Variants in CNTNAP2 observed in about 807,000 individuals in gnomAD.
CNTNAP2 encodes the protein contactin-associated protein-like 2.
Under a neutral mutation model 155.2 loss-of-function variants are expected in CNTNAP2, and 98 were observed. The ratio of observed to expected loss-of-function variants is 0.63; its 90% CI spans 0.54 to 0.75. The LOEUF (loss-of-function observed/expected upper bound fraction) is 0.75, where lower values mean the gene tolerates loss of function less well. CNTNAP2 is among the 30% of genes least tolerant of loss of function. CNTNAP2 has a pLI of 0.00. For missense variants in CNTNAP2, 1,727 were observed against 1,688.1 expected, an observed-to-expected ratio of 1.02 and a Z score of -0.40; for synonymous variants, 651 against 631.2, an observed-to-expected ratio of 1.03 and a Z score of -0.47.
chr7:146,683,489 G>A (rs556307356), intron 1 of CNTNAP2, among the ~76,000 whole-genome samples: 15 of 152,300 alleles, frequency 9.8e-5, no homozygotes, highest in African/African-American at 3.4e-4. Context: ...CAGAAGACCA[G>A]ATGAACTCAA....
At chr7:147,998,997 A>T (rs1801854275) in intron 15 of CNTNAP2, among the ~76,000 whole-genome samples, 1 of 152,250 alleles carries the variant, frequency 6.6e-6, no homozygotes, top group Non-Finnish European at 1.5e-5. Flanking sequence ...AAATGATGTA[A>T]TTCAATAAAG....
At chr7:147,508,805 G>T (rs1229315864) in intron 11 of CNTNAP2, among the ~76,000 whole-genome samples, 2 of 152,120 alleles carry the variant, frequency 1.3e-5, no homozygotes, top group Non-Finnish European at 2.9e-5. Flanking sequence ...TGTAAGACAT[G>T]CCTATGACTC....
intron 9 of CNTNAP2, among the ~76,000 whole-genome samples, chr7:147,313,492 T>C (rs1795164220): frequency 6.7e-6 from 1 of 150,316 alleles, no homozygotes; most frequent in African/African-American, 2.5e-5. Flanking sequence ...GCTAGCCAGT[T>C]TTCCCAGCAC....
At chr7:147,497,137 A>G (rs997769198) in intron 11 of CNTNAP2, 2 of 152,224 alleles carry the variant, frequency 1.3e-5, no homozygotes, top group Non-Finnish European at 2.9e-5. Context: ...AAATCTTTAG[A>G]CTTAGCCAAT....
chr7:148,048,166 C>T (rs2710138), intron 15 of CNTNAP2, among the ~76,000 whole-genome samples: 2,213 of 151,768 alleles, frequency 0.015, 51 homozygotes, highest in African/African-American at 0.05. Flanking sequence ...CCTCGTGATC[C>T]GCCCGCCTCG....
At chr7:146,512,112 G>A (rs1068273) in intron 1 of CNTNAP2, among the ~76,000 whole-genome samples, 45,033 of 151,710 alleles carry the variant, frequency 0.3, 7,071 homozygotes, top group East Asian at 0.46. Context: ...ATTTTGTGAT[G>A]TCATTAAATA....
intron 13 of CNTNAP2, among the ~76,000 whole-genome samples, chr7:147,681,694 T>C (rs1481013159): frequency 6.6e-6 from 1 of 151,986 alleles, no homozygotes; most frequent in African/African-American, 2.4e-5. Flanking sequence ...CTCATATATC[T>C]GCTTCTATAG....
At chr7:146,736,473 T>C (rs1483328138) in intron 1 of CNTNAP2, among the ~76,000 whole-genome samples, 1 of 152,182 alleles carries the variant, frequency 6.6e-6, no homozygotes, top group Non-Finnish European at 1.5e-5. Context: ...GTGTTTTACC[T>C]GAACATTGAA....
At chr7:146,163,401 C>T (rs1361868212) in intron 1 of CNTNAP2, among the ~76,000 whole-genome samples, 2 of 150,442 alleles carry the variant, frequency 1.3e-5, no homozygotes, top group Admixed American at 6.6e-5. Flanking sequence ...TGGTGAAACT[C>T]CGTCTCTACT....
At chr7:146,589,337 T>C (rs1372971294) in intron 1 of CNTNAP2, among the ~76,000 whole-genome samples, 2 of 152,122 alleles carry the variant, frequency 1.3e-5, no homozygotes, top group African/African-American at 4.8e-5. Flanking sequence ...TAGCAAAGAC[T>C]TGGAACCAAC....
At chr7:148,056,503 C>T (rs1038062649) in intron 15 of CNTNAP2, 3 of 152,186 alleles carry the variant, frequency 2.0e-5, no homozygotes, top group African/African-American at 7.2e-5. Flanking sequence ...ATGCTCTCCC[C>T]AAGAGGAGGA....
intron 3 of CNTNAP2, among the ~76,000 whole-genome samples, chr7:146,896,700 A>G (rs1039018009): frequency 6.6e-6 from 1 of 152,096 alleles, no homozygotes; most frequent in African/African-American, 2.4e-5. Flanking sequence ...AACTAAGCCC[A>G]AGCAAAGTAC....
At chr7:147,556,277 GTCA>G (rs1300205412) in intron 11 of CNTNAP2, among the ~76,000 whole-genome samples, 2 of 151,940 alleles carry the variant, frequency 1.3e-5, no homozygotes, top group Non-Finnish European at 2.9e-5. Context: ...TTTAAATAGA[GTCA>G]TCATTTTTAT....
intron 4 of CNTNAP2, among the ~76,000 whole-genome samples, chr7:147,090,161 T>A (rs1327092356): frequency 6.6e-6 from 1 of 152,202 alleles, no homozygotes; most frequent in Non-Finnish European, 1.5e-5. Flanking sequence ...GGTAAAAATA[T>A]GGCCCTGTTC....
intron 12 of CNTNAP2, among the ~76,000 whole-genome samples, chr7:147,586,365 G>T (rs1420281930): frequency 6.6e-6 from 1 of 151,800 alleles, no homozygotes; most frequent in African/African-American, 2.4e-5. Context: ...GGTATAAGGA[G>T]GCTTATCTGA....
intron 8 of CNTNAP2, among the ~76,000 whole-genome samples, chr7:147,213,110 C>T (rs968739241): frequency 6.6e-6 from 1 of 152,098 alleles, no homozygotes; most frequent in African/African-American, 2.4e-5. Flanking sequence ...ATAAGTCCCA[C>T]AATCCGCTCT....
At chr7:146,707,201 C>T (rs1800981653) in intron 1 of CNTNAP2, among the ~76,000 whole-genome samples, 1 of 152,092 alleles carries the variant, frequency 6.6e-6, no homozygotes, top group African/African-American at 2.4e-5. Flanking sequence ...GACCTGAAGC[C>T]CCAGTGTGTG....
intron 4 of CNTNAP2, among the ~76,000 whole-genome samples, chr7:147,075,261 G>A (rs939660064): frequency 2.0e-5 from 3 of 152,112 alleles, no homozygotes; most frequent in Non-Finnish European, 2.9e-5. Context: ...TGAAATTACT[G>A]GATGAGAAGT....
chr7:148,092,179 G>A (rs1803856960), intron 15 of CNTNAP2, among the ~76,000 whole-genome samples: 1 of 152,160 alleles, frequency 6.6e-6, no homozygotes, highest in African/African-American at 2.4e-5. Flanking sequence ...TTTCCTTGGG[G>A]GAGCAGGTTT....
Sources: gnomAD v4.1 joint callset for allele counts (sites outside exome capture counted in the v4.1 genomes callset) on GRCh38, gnomAD v4.1.1 for gene constraint, MANE v1.5 for transcripts, NCBI Gene and HGNC (gene_info 2026-07-23, HGNC 2026-07-21) for gene names.